RAB38: variants seen among roughly 807,000 people sequenced by gnomAD.
RAB38 encodes the protein RAB38, member RAS oncogene family.
RAB38 carries 15 observed loss-of-function variants against 18.4 expected under a neutral mutation model. The ratio of observed to expected loss-of-function variants is 0.82; its 90% confidence interval spans 0.55 to 1.26. RAB38 has a LOEUF of 1.26. Ranked by LOEUF, RAB38 falls within the 50% of genes most tolerant of loss-of-function variation. The pLI is 0.00. For missense variants in RAB38, 294 were observed against 267.4 expected (o/e 1.10, Z -0.69); for synonymous variants, 101 against 104.4 (o/e 0.97, Z 0.20).
rs1414291854 is a variant in RAB38, at chr11:88,159,279, A to G, written c.203-9324T>C. On this transcript the variant is annotated intron_variant, in intron 1 of 2. Coordinates refer to ENST00000243662, the MANE Select transcript of RAB38 (RefSeq NM_022337.3). ...TAGGAATACATCTAACCAAGGAAGA[A>G]GGTAAAAGATCTCTACAAGGAGAAC... Among the ~76,000 whole-genome samples, 4 of 151,690 alleles carry G rather than the reference A, an allele frequency of 2.6e-5. No individual in the cohort carries two copies. In the East Asian group the frequency reaches 7.7e-4, roughly 29 times the overall value.
the RAB38 span, among the ~76,000 whole-genome samples, chr11:88,076,322 C>T: frequency 1.3e-5 from 2 of 151,872 alleles, no homozygotes; most frequent in African/African-American, 2.4e-5. Flanking sequence ...AATATTGTAC[C>T]GAATGGAAAA....
chr11:88,086,054 T>A, the RAB38 span, among the ~76,000 whole-genome samples: 22 of 151,916 alleles, frequency 1.4e-4, no homozygotes, highest in South Asian at 2.1e-4. Context: ...TTAATCTCTC[T>A]AAGCTTCAAT....
chr11:88,046,521 T>C, the RAB38 span, among the ~76,000 whole-genome samples: 2 of 152,322 alleles, frequency 1.3e-5, no homozygotes, highest in African/African-American at 2.4e-5. Flanking sequence ...CCATCAGGCT[T>C]AGCAAATTAC....
chr11:87,952,634 ATCAGTATAGGGT>A, the RAB38 span, among the ~76,000 whole-genome samples: 1 of 152,208 alleles, frequency 6.6e-6, no homozygotes, highest in South Asian at 2.1e-4. Flanking sequence ...CAGTATTGTA[ATCAGTATAGGGT>A]TCAGTACTAT....
chr11:87,947,818 G>A, the RAB38 span, among the ~76,000 whole-genome samples: 1 of 152,172 alleles, frequency 6.6e-6, no homozygotes, highest in East Asian at 1.9e-4. Flanking sequence ...TCTGAAGTCA[G>A]GTAGCGTGAT....
chr11:88,102,895 C>G, the RAB38 span, among the ~76,000 whole-genome samples: 1 of 151,978 alleles, frequency 6.6e-6, no homozygotes, highest in Non-Finnish European at 1.5e-5. Context: ...TACATTGTTA[C>G]TCCCGTCTCC....
chr11:88,032,940 T>C, the RAB38 span, among the ~76,000 whole-genome samples: 4 of 152,218 alleles, frequency 2.6e-5, no homozygotes, highest in African/African-American at 4.8e-5. Flanking sequence ...ATGTTTATTG[T>C]GGCATTATTC....
chr11:88,014,925 C>T, the RAB38 span, among the ~76,000 whole-genome samples: 1 of 151,690 alleles, frequency 6.6e-6, no homozygotes. Flanking sequence ...GATGTGGCAA[C>T]CTCTGGAAAG....
the RAB38 span, among the ~76,000 whole-genome samples, chr11:87,976,346 T>C: frequency 2.1e-5 from 3 of 142,802 alleles, no homozygotes; most frequent in East Asian, 4.0e-4. Context: ...GGTATATATA[T>C]AAAATATAAA....
At chr11:87,894,966 A>G in the RAB38 span, among the ~76,000 whole-genome samples, 1 of 151,636 alleles carries the variant, frequency 6.6e-6, no homozygotes, top group Non-Finnish European at 1.5e-5. Context: ...AACAGCTACA[A>G]GCTATCAAAG....
chr11:87,977,644 T>A, the RAB38 span, among the ~76,000 whole-genome samples: 1 of 118,710 alleles, frequency 8.4e-6, no homozygotes, highest in Admixed American at 9.9e-5. Context: ...TATAATTATA[T>A]AAATTATACA....
At chr11:88,015,825 G>A in the RAB38 span, among the ~76,000 whole-genome samples, 1 of 152,046 alleles carries the variant, frequency 6.6e-6, no homozygotes, top group African/African-American at 2.4e-5. Flanking sequence ...CTTTGCATGA[G>A]GACAGTCTGA....
chr11:87,976,264 GAGA>G, the RAB38 span, among the ~76,000 whole-genome samples: 11 of 141,978 alleles, frequency 7.7e-5, no homozygotes, highest in Non-Finnish European at 1.2e-4. Context: ...ATACATGTAA[GAGA>G]AGGTGTGTGT....
the RAB38 span, among the ~76,000 whole-genome samples, chr11:87,948,459 T>A: frequency 1.3e-5 from 2 of 151,920 alleles, no homozygotes; most frequent in Admixed American, 6.6e-5. Flanking sequence ...AGAGAGGGCA[T>A]CCCTGTCTTG....
At chr11:88,087,690 G>A in the RAB38 span, among the ~76,000 whole-genome samples, 34,265 of 151,752 alleles carry the variant, frequency 0.23, 5,006 homozygotes, top group African/African-American at 0.41. Context: ...GGGTCATTTC[G>A]AAATTTTTTC....
the RAB38 span, among the ~76,000 whole-genome samples, chr11:87,877,955 T>G: frequency 6.6e-6 from 1 of 151,326 alleles, no homozygotes; most frequent in Admixed American, 6.6e-5. Flanking sequence ...CTTCTCTGTT[T>G]TAGGCACTAA....
chr11:87,966,481 G>T, the RAB38 span, among the ~76,000 whole-genome samples: 111 of 152,104 alleles, frequency 7.3e-4, 1 homozygote, highest in Middle Eastern at 3.4e-3. Flanking sequence ...TTATGACAGG[G>T]GATATAAATA....
chr11:88,032,452 A>C, the RAB38 span, among the ~76,000 whole-genome samples: 30 of 152,312 alleles, frequency 2.0e-4, no homozygotes, highest in Admixed American at 3.9e-4. Context: ...CAACCTACAA[A>C]ATGGGAGAAA....
the RAB38 span, among the ~76,000 whole-genome samples, chr11:87,849,510 T>C: frequency 0.012 from 1,797 of 152,182 alleles, 18 homozygotes; most frequent in Non-Finnish European, 0.018. Flanking sequence ...GTCATGCCAA[T>C]AGTGTCAGTG....
Sources: gnomAD v4.1 joint callset for allele counts (sites outside exome capture counted in the v4.1 genomes callset) on GRCh38, gnomAD v4.1.1 for gene constraint, MANE v1.5 for transcripts, NCBI Gene and HGNC (gene_info 2026-07-23, HGNC 2026-07-21) for gene names.